LSAMP: variants seen among roughly 807,000 people sequenced by gnomAD.
LSAMP encodes the protein limbic system-associated membrane protein.
A neutral mutation model predicts 38.6 loss-of-function variants in LSAMP; 7 were observed. The observed-to-expected ratio is 0.18, with a 90% CI of 0.10 to 0.34. LSAMP has a LOEUF of 0.34. Ranked by LOEUF, LSAMP falls within the 10% of genes least tolerant of loss-of-function variation. LSAMP has a pLI of 1.00. For synonymous variants in LSAMP, 154 were observed against 166.8 expected (o/e 0.92, Z 0.59); for missense variants, 313 against 420.0 (o/e 0.75, Z 2.23).
chr3:116,286,491 C>G (rs1559814036), intron 1 of LSAMP, among the ~76,000 whole-genome samples: 1 of 152,164 alleles, frequency 6.6e-6, no homozygotes, highest in Non-Finnish European at 1.5e-5. Flanking sequence ...CATAGCAATT[C>G]AGGCTCAGAG....
intron 1 of LSAMP, among the ~76,000 whole-genome samples, chr3:116,265,194 G>A (rs1463683120): frequency 2.6e-5 from 4 of 152,022 alleles, no homozygotes; most frequent in East Asian, 1.9e-4. Context: ...ACATGAAAAA[G>A]CATATGCTGA....
At chr3:116,243,155 G>A (rs916213610) in intron 1 of LSAMP, among the ~76,000 whole-genome samples, 3 of 152,124 alleles carry the variant, frequency 2.0e-5, no homozygotes, top group Admixed American at 1.3e-4. Context: ...AGCAATGCAC[G>A]TCTGTCCTGG....
In LSAMP at chr3:115,859,112, G is replaced by A. The variant is rs116804516; in HGVS notation, c.515-6495C>T. Among the ~76,000 whole-genome samples the A allele has an allele frequency of 4.2e-3, 643 of 152,280 alleles. 5 individuals carry two copies. The highest frequency in any genetic ancestry group is 0.014 in the African/African-American group (561 of 41,546). On this transcript the variant is annotated intron_variant, in intron 3 of 6. Coordinates refer to ENST00000490035, the MANE Select transcript of LSAMP (RefSeq NM_002338.5). The stretch of plus-strand genomic sequence containing the variant: ...CCATGTGTCTCTCCAGATTATTTGA[G>A]GTTTTTGCTTCTCCGCTTCACATTC...
At chr3:115,898,173 T>A (rs1936776195) in intron 3 of LSAMP, among the ~76,000 whole-genome samples, 2 of 152,158 alleles carry the variant, frequency 1.3e-5, no homozygotes, top group Non-Finnish European at 2.9e-5. Context: ...TTTTGGATGA[T>A]GATAAATGCT....
At chr3:115,914,233 T>C (rs1278702252) in intron 3 of LSAMP, among the ~76,000 whole-genome samples, 1 of 152,172 alleles carries the variant, frequency 6.6e-6, no homozygotes, top group Non-Finnish European at 1.5e-5. Flanking sequence ...CCACAACCCA[T>C]TCCCCTTGCA....
intron 1 of LSAMP, among the ~76,000 whole-genome samples, chr3:116,120,874 A>G (rs1162253365): frequency 6.6e-6 from 1 of 152,204 alleles, no homozygotes; most frequent in Non-Finnish European, 1.5e-5. Context: ...TATCATCATA[A>G]CTGGAGGCTA....
chr3:116,149,710 A>G (rs1709568558), intron 1 of LSAMP, among the ~76,000 whole-genome samples: 1 of 151,984 alleles, frequency 6.6e-6, no homozygotes, highest in Non-Finnish European at 1.5e-5. Flanking sequence ...TTATCTGAAT[A>G]TGTACTGTTA....
chr3:116,123,081 T>A (rs1374014706), intron 1 of LSAMP, among the ~76,000 whole-genome samples: 1 of 152,208 alleles, frequency 6.6e-6, no homozygotes, highest in African/African-American at 2.4e-5. Flanking sequence ...TAAACAATTG[T>A]CATAAAGATG....
chr3:115,985,665 T>A (rs999964942), intron 3 of LSAMP, among the ~76,000 whole-genome samples: 3 of 152,192 alleles, frequency 2.0e-5, no homozygotes, highest in African/African-American at 7.2e-5. Context: ...GCTTTCACTG[T>A]TTTGGGATAA....
intron 2 of LSAMP, among the ~76,000 whole-genome samples, chr3:116,036,572 A>G (rs1327594062): frequency 6.6e-6 from 1 of 152,200 alleles, no homozygotes; most frequent in Admixed American, 6.5e-5. Context: ...CTTTGGTGCT[A>G]AAAACCTGTA....
At chr3:116,232,876 G>A (rs1032395745) in intron 1 of LSAMP, among the ~76,000 whole-genome samples, 1 of 151,538 alleles carries the variant, frequency 6.6e-6, no homozygotes, top group African/African-American at 2.4e-5. Flanking sequence ...TACTCAAACT[G>A]GAGAAAGGCC....
At chr3:116,060,161 C>T (rs1941567120) in intron 2 of LSAMP, among the ~76,000 whole-genome samples, 1 of 150,916 alleles carries the variant, frequency 6.6e-6, no homozygotes, top group Non-Finnish European at 1.5e-5. Context: ...CATTTCTCCT[C>T]TTCCCCCTCT....
At chr3:116,017,742 T>C (rs550891435) in intron 3 of LSAMP, among the ~76,000 whole-genome samples, 1 of 152,304 alleles carries the variant, frequency 6.6e-6, no homozygotes, top group South Asian at 2.1e-4. Flanking sequence ...AAAGTAGAGA[T>C]ATTGAAAAAC....
At chr3:116,428,732 A>G (rs528768963) in intron 1 of LSAMP, among the ~76,000 whole-genome samples, 1 of 152,144 alleles carries the variant, frequency 6.6e-6, no homozygotes, top group Non-Finnish European at 1.5e-5. Flanking sequence ...GTGAAACTGT[A>G]CTTTATTTTC....
At chr3:116,019,679 A>T in intron 2 of LSAMP, 39 bp from the exon 3 acceptor site, 2 of 1,600,368 alleles carry the variant, frequency 1.2e-6, no homozygotes, top group East Asian at 2.3e-5. Flanking sequence ...TAACCATGTC[A>T]GTAAGATTAG....
chr3:116,274,767 G>A (rs892504893), intron 1 of LSAMP, among the ~76,000 whole-genome samples: 3 of 151,284 alleles, frequency 2.0e-5, no homozygotes, highest in East Asian at 1.9e-4. Context: ...CTAGGCAAAA[G>A]GTTTTGTGCC....
At chr3:115,975,550 A>G (rs1199115266) in intron 3 of LSAMP, among the ~76,000 whole-genome samples, 1 of 152,168 alleles carries the variant, frequency 6.6e-6, no homozygotes, top group Non-Finnish European at 1.5e-5. Context: ...TTATTCAAGA[A>G]AGCGAGAGGG....
At chr3:115,832,043 G>A (rs887346944) in intron 6 of LSAMP, among the ~76,000 whole-genome samples, 4 of 152,116 alleles carry the variant, frequency 2.6e-5, no homozygotes, top group African/African-American at 7.2e-5. Flanking sequence ...GCTTGTTTTT[G>A]TTTAATCACA....
chr3:116,097,651 T>C (rs187973162), intron 1 of LSAMP, among the ~76,000 whole-genome samples: 7 of 152,324 alleles, frequency 4.6e-5, no homozygotes, highest in Admixed American at 3.3e-4. Context: ...AAAATGGCTC[T>C]ACTGTCTGGT....
Sources: gnomAD v4.1 joint callset for allele counts (sites outside exome capture counted in the v4.1 genomes callset) on GRCh38, gnomAD v4.1.1 for gene constraint, MANE v1.5 for transcripts, NCBI Gene and HGNC (gene_info 2026-07-23, HGNC 2026-07-21) for gene names.